Variants in EFCAB6 observed in about 807,000 individuals in gnomAD.
The protein encoded by EFCAB6 is EF-hand calcium binding domain 6.
A neutral mutation model predicts 169.8 loss-of-function variants in EFCAB6; 156 were observed. That is an observed-to-expected ratio of 0.92 (90% CI 0.81 to 1.05). The LOEUF is 1.05. Among genes scored for constraint, EFCAB6 ranks in the 50% least tolerant of loss-of-function variants. EFCAB6 has a pLI of 0.00. For missense variants in EFCAB6, 1,800 were observed against 1,829.1 expected, an observed-to-expected ratio of 0.98 and a Z score of 0.29; for synonymous variants, 698 against 676.4, an observed-to-expected ratio of 1.03 and a Z score of -0.50.
chr22:43,776,789 A>C (rs1171537753), intron 3 of EFCAB6, among the ~76,000 whole-genome samples: 1 of 152,208 alleles, frequency 6.6e-6, no homozygotes, highest in Admixed American at 6.5e-5. Flanking sequence ...GGCTTCAGGC[A>C]CCTGCAGAAA....
intron 2 of EFCAB6, among the ~76,000 whole-genome samples, chr22:43,805,820 G>A (rs2062896659): frequency 6.6e-6 from 1 of 152,090 alleles, no homozygotes; most frequent in Non-Finnish European, 1.5e-5. Context: ...GTACCCTGGA[G>A]CTATGTACAT....
chr22:43,558,347 C>A (rs2147099261), intron 26 of EFCAB6, among the ~76,000 whole-genome samples: 1 of 151,950 alleles, frequency 6.6e-6, no homozygotes, highest in Middle Eastern at 3.4e-3. Flanking sequence ...GCATTAATGA[C>A]AAAGCAATTG....
intron 6 of EFCAB6, among the ~76,000 whole-genome samples, chr22:43,754,833 C>T (rs972117567): frequency 6.6e-6 from 1 of 152,148 alleles, no homozygotes; most frequent in African/African-American, 2.4e-5. Flanking sequence ...GACATATACC[C>T]CTAAGTAATA....
At chr22:43,772,643 A>C (rs1444389912) in intron 4 of EFCAB6, among the ~76,000 whole-genome samples, 20 of 2,658 alleles carry the variant, frequency 7.5e-3, no homozygotes, top group African/African-American at 0.023. Flanking sequence ...TTCTGTCTCA[A>C]AAAAAAAAAA....
chr22:43,555,189 C>T (rs537335851), intron 26 of EFCAB6, 93 bp from the exon 27 acceptor site: 1 of 1,355,404 alleles, frequency 7.4e-7, no homozygotes, highest in East Asian at 2.4e-5. Flanking sequence ...GCAGGGAGAC[C>T]CAGCGTGGTG....
intron 19 of EFCAB6, among the ~76,000 whole-genome samples, chr22:43,629,509 A>G (rs1437622048): frequency 6.6e-6 from 1 of 152,190 alleles, no homozygotes. Flanking sequence ...AGCAAATACA[A>G]ATCGGTCATG....
chr22:43,725,134 CTTTTT>C (rs33983375), intron 8 of EFCAB6, among the ~76,000 whole-genome samples: 3 of 94,696 alleles, frequency 3.2e-5, no homozygotes, highest in African/African-American at 8.3e-5. Context: ...GCCAAACTGG[CTTTTT>C]TTTTTTTTTT....
intron 27 of EFCAB6, among the ~76,000 whole-genome samples, chr22:43,544,159 A>C (rs186666524): frequency 6.6e-6 from 1 of 151,974 alleles, no homozygotes; most frequent in Admixed American, 6.5e-5. Flanking sequence ...TTCCCCAGTA[A>C]ATGTCCCTTG....
At position 43,590,086 on chromosome 22, in the gene EFCAB6, TG is replaced by T. The variant is rs1283395003; in HGVS notation, c.3019del (p.His1007IlefsTer3). 1.9e-6 allele frequency: 3 copies of T among 1,613,268 alleles called. No homozygotes were observed. The African/African-American group carries it at 4.0e-5, about 22-fold the overall frequency. On this transcript the variant is annotated frameshift_variant, in exon 24 of 32. Coordinates refer to ENST00000262726, the MANE Select transcript of EFCAB6 (RefSeq NM_022785.4). LOFTEE classifies it high-confidence loss of function. The part of the protein sequence containing the change: ...GCSLTEGELT[H>X]LLNSWGVSRH... Reference sequence around the variant, plus strand: ...AGTCCAAAAAGACCTGTTTAGCAGATGGGTCAGCTCCCCTTCGGTAAGAGAA... The same window carrying T: ...AGTCCAAAAAGACCTGTTTAGCAGATGGTCAGCTCCCCTTCGGTAAGAGAA...
At chr22:43,640,620 G>C (rs1381556009) in intron 17 of EFCAB6, among the ~76,000 whole-genome samples, 2 of 152,104 alleles carry the variant, frequency 1.3e-5, no homozygotes, top group Admixed American at 6.6e-5. Context: ...GGTTCTTCAA[G>C]CCAGAAAGGC....
intron 17 of EFCAB6, among the ~76,000 whole-genome samples, chr22:43,660,217 T>G (rs963900393): frequency 6.6e-6 from 1 of 152,246 alleles, no homozygotes; most frequent in African/African-American, 2.4e-5. Flanking sequence ...TTAACTAATC[T>G]TAGCCCATGT....
At chr22:43,798,140 C>T (rs539077607) in intron 2 of EFCAB6, among the ~76,000 whole-genome samples, 121 of 152,176 alleles carry the variant, frequency 8.0e-4, no homozygotes, top group Non-Finnish European at 1.3e-3. Flanking sequence ...AATCCCAGCA[C>T]TTCGGGAGGC....
chr22:43,659,527 G>A (rs1226950747), intron 17 of EFCAB6, among the ~76,000 whole-genome samples: 1 of 152,004 alleles, frequency 6.6e-6, no homozygotes, highest in Non-Finnish European at 1.5e-5. Context: ...GGGTGTGGTG[G>A]TGCATGCCCG....
intron 2 of EFCAB6, among the ~76,000 whole-genome samples, chr22:43,792,849 C>T (rs748128008): frequency 1.3e-5 from 2 of 152,192 alleles, no homozygotes; most frequent in Non-Finnish European, 2.9e-5. Flanking sequence ...ATCAATAACA[C>T]GTTCCTTAAG....
rs138650449 is a variant in EFCAB6, at chr22:43,811,645, G to T, written c.-145+523C>A. 6.9e-3 allele frequency among the ~76,000 whole-genome samples: 1,048 copies of T among 152,222 alleles called. 20 individuals are homozygous for T. The highest frequency in any genetic ancestry group is 7.4e-3 in the Non-Finnish European group (501 of 68,016). On this transcript the variant is annotated intron_variant, in intron 1 of 31. Transcript: ENST00000262726. ...AGAGCAGAGATTTTGCCGTGATACAGAAATGAGTTTGAATTCTGGCTCAGA... is the reference window on the plus strand; with the variant it reads ...AGAGCAGAGATTTTGCCGTGATACATAAATGAGTTTGAATTCTGGCTCAGA...
intron 22 of EFCAB6, among the ~76,000 whole-genome samples, chr22:43,601,800 G>A (rs934232309): frequency 4.6e-5 from 7 of 152,350 alleles, no homozygotes; most frequent in African/African-American, 1.4e-4. Flanking sequence ...AGGAGTTGGA[G>A]GACCACCACC....
chr22:43,712,183 T>TA (rs1249665986), intron 9 of EFCAB6, among the ~76,000 whole-genome samples: 1 of 152,198 alleles, frequency 6.6e-6, no homozygotes, highest in Non-Finnish European at 1.5e-5. Flanking sequence ...ATGGGGCTTC[T>TA]AAAATGCAGT....
In EFCAB6 at chr22:43,537,262, T is replaced by A. The variant is rs555584779; in HGVS notation, c.4048+115A>T. 2 of 1,340,840 alleles carry A rather than the reference T, an allele frequency of 1.5e-6. No individual in the cohort carries two copies. Among genetic ancestry groups the A allele is most frequent in the Admixed American group, 4.4e-5 (2 of 45,624 alleles). The allele number at this position is 1,340,840 out of a possible 1,614,324, so 83.1% of individuals were successfully genotyped here. ...GCCCACCCAGAAGTTCCCACCAGTT[T>A]CCTGTTCTGCTGCTCCCTGGCCTCC... On this transcript the variant is annotated intron_variant, in intron 29 of 31. Coordinates refer to ENST00000262726, the MANE Select transcript of EFCAB6 (RefSeq NM_022785.4). This position sits in a 1 kb window ranked among gnomAD's most constrained non-coding sequence, Gnocchi z 4.3.
intron 21 of EFCAB6, among the ~76,000 whole-genome samples, chr22:43,609,163 T>C (rs2053131618): frequency 6.6e-6 from 1 of 152,244 alleles, no homozygotes; most frequent in Non-Finnish European, 1.5e-5. Context: ...ATCTTCTTCA[T>C]AACAACATGA....
Sources: allele counts gnomAD v4.1 joint callset (sites outside exome capture counted in the v4.1 genomes callset), GRCh38; gene constraint gnomAD v4.1.1; non-coding constraint Gnocchi (gnomAD v3.1); transcripts MANE v1.5; gene names NCBI Gene and HGNC (gene_info 2026-07-23, HGNC 2026-07-21).